Variants in ARHGAP15 observed in about 807,000 individuals in gnomAD.
The protein encoded by ARHGAP15 is rho GTPase-activating protein 15.
In ARHGAP15, 51 loss-of-function variants were observed where a neutral mutation model predicts 63.7. The observed-to-expected ratio is 0.80, with a 90% confidence interval of 0.64 to 1.01. ARHGAP15 has a LOEUF of 1.01. Ranked by LOEUF, ARHGAP15 falls within the 50% of genes least tolerant of loss-of-function variation. ARHGAP15 has a pLI of 0.00. For missense variants in ARHGAP15, 560 were observed against 564.6 expected, an observed-to-expected ratio of 0.99 and a Z score of 0.08; for synonymous variants, 191 against 193.8, an observed-to-expected ratio of 0.99 and a Z score of 0.12.
intron 11 of ARHGAP15, among the ~76,000 whole-genome samples, chr2:143,582,327 T>C (rs1696939661): frequency 6.6e-6 from 1 of 152,206 alleles, no homozygotes; most frequent in Admixed American, 6.5e-5. Flanking sequence ...TGAATTGTGG[T>C]AATTCCTGTT....
chr2:143,440,962 CGAGGTTTCTTAACTTTTCT>C (rs1689849947), intron 8 of ARHGAP15, among the ~76,000 whole-genome samples: 1 of 152,100 alleles, frequency 6.6e-6, no homozygotes, highest in Non-Finnish European at 1.5e-5. Flanking sequence ...ATAACCTTGG[CGAGGTTTCTTAACTTTTCT>C]GAGCTTTACT....
chr2:143,372,972 C>A (rs1425926090), intron 6 of ARHGAP15, among the ~76,000 whole-genome samples: 2 of 133,384 alleles, frequency 1.5e-5, no homozygotes, highest in Non-Finnish European at 3.1e-5. Context: ...TGTTAACCAT[C>A]CTCTCTCCTC....
In ARHGAP15 at chr2:143,624,180, G is replaced by T; in HGVS notation, c.1051G>T (p.Val351Phe). ...CAGCCAGTGGGAGGACATCCACGTTGTCACCGGAGCACTGAAGATGTTTTT... is the reference window on the plus strand; with the variant it reads ...CAGCCAGTGGGAGGACATCCACGTTTTCACCGGAGCACTGAAGATGTTTTT... The part of the protein sequence containing the change: ...DDSQWEDIHV[V>F]TGALKMFFRE... Residue 351 changes from valine (V) to phenylalanine (F), a missense_variant, in exon 12 of 14, where the codon GTC becomes TTC. Physicochemically the swap from Val to Phe is conservative, Grantham distance 50 (BLOSUM62 -1). Coordinates refer to ENST00000295095, the MANE Select transcript of ARHGAP15 (RefSeq NM_018460.4). 6.2e-7 allele frequency: 1 copy of T among 1,613,600 alleles called. No individual in the cohort carries two copies. The highest frequency in any genetic ancestry group is 8.5e-7 in the Non-Finnish European group (1 of 1,179,744).
intron 13 of ARHGAP15, among the ~76,000 whole-genome samples, chr2:143,739,057 G>A (rs1181592466): frequency 6.6e-6 from 1 of 152,100 alleles, no homozygotes; most frequent in Non-Finnish European, 1.5e-5. Flanking sequence ...TTACCTTATG[G>A]ACAATAGAAC....
intron 8 of ARHGAP15, among the ~76,000 whole-genome samples, chr2:143,451,183 A>G (rs1028602692): frequency 6.6e-6 from 1 of 151,814 alleles, no homozygotes; most frequent in Non-Finnish European, 1.5e-5. Context: ...ATGATCATAC[A>G]TTCGCCTCTC....
intron 6 of ARHGAP15, among the ~76,000 whole-genome samples, chr2:143,327,118 A>T (rs561892763): frequency 2.0e-5 from 3 of 152,256 alleles, no homozygotes; most frequent in East Asian, 3.9e-4. Context: ...TCATACACCA[A>T]TAATAGAGAG....
At chr2:143,330,515 T>C (rs966930277) in intron 6 of ARHGAP15, among the ~76,000 whole-genome samples, 4 of 152,176 alleles carry the variant, frequency 2.6e-5, no homozygotes, top group Non-Finnish European at 5.9e-5. Flanking sequence ...ACTTTACAGA[T>C]GAATAAAATC....
At chr2:143,370,179 C>T (rs542749948) in intron 6 of ARHGAP15, among the ~76,000 whole-genome samples, 4 of 152,180 alleles carry the variant, frequency 2.6e-5, no homozygotes, top group Non-Finnish European at 2.9e-5. Context: ...GCAAGCATAC[C>T]AATTTCCCCC....
In ARHGAP15 at chr2:143,712,172, G is replaced by T. The variant is rs571213410; in HGVS notation, c.1244+8648G>T. ...ATGGGGGAAAGTGATGGATACAAGA[G>T]GCATTGAAGCAGTAGATGCAACAGA... On this transcript the variant is annotated intron_variant, in intron 13 of 13. Transcript: ENST00000295095. 2.6e-5 allele frequency among the ~76,000 whole-genome samples: 4 copies of T among 152,296 alleles called. No individual in the cohort carries two copies. In the East Asian group the frequency reaches 7.7e-4, roughly 29 times the overall value.
At chr2:143,632,345 TCATA>T (rs1307133992) in intron 12 of ARHGAP15, among the ~76,000 whole-genome samples, 3 of 152,056 alleles carry the variant, frequency 2.0e-5, no homozygotes, top group Admixed American at 1.3e-4. Context: ...TATATTGTGT[TCATA>T]TATATATACA....
At chr2:143,739,406 C>T (rs1574913868) in intron 13 of ARHGAP15, among the ~76,000 whole-genome samples, 1 of 152,128 alleles carries the variant, frequency 6.6e-6, no homozygotes, top group East Asian at 1.9e-4. Context: ...CTGCTGCATC[C>T]TGAAATCACA....
At chr2:143,296,566 A>G (rs1459829794) in intron 6 of ARHGAP15, among the ~76,000 whole-genome samples, 1 of 152,032 alleles carries the variant, frequency 6.6e-6, no homozygotes, top group African/African-American at 2.4e-5. Context: ...GTTAGGCTTC[A>G]GTGAAAACCC....
At chr2:143,406,003 G>A (rs185538875) in intron 6 of ARHGAP15, among the ~76,000 whole-genome samples, 41 of 151,816 alleles carry the variant, frequency 2.7e-4, no homozygotes, top group African/African-American at 8.9e-4. Flanking sequence ...TGTAAATTCA[G>A]GTTTTTCTCT....
At chr2:143,346,212 A>C (rs4662200) in intron 6 of ARHGAP15, among the ~76,000 whole-genome samples, 2 of 135,156 alleles carry the variant, frequency 1.5e-5, no homozygotes, top group Non-Finnish European at 3.3e-5. Context: ...TCACACACAC[A>C]CTCTCTCTCA....
chr2:143,690,926 T>TC (rs1162625219), intron 12 of ARHGAP15, among the ~76,000 whole-genome samples: 1 of 151,940 alleles, frequency 6.6e-6, no homozygotes, highest in Non-Finnish European at 1.5e-5. Flanking sequence ...AGCAGTCATA[T>TC]CCCCCGTGAT....
intron 2 of ARHGAP15, among the ~76,000 whole-genome samples, chr2:143,160,142 C>T (rs1330677223): frequency 1.3e-5 from 2 of 151,824 alleles, no homozygotes; most frequent in African/African-American, 4.8e-5. Context: ...TTTTATCTAG[C>T]TCTGTAGTAC....
At chr2:143,553,612 C>G (rs1384478012) in intron 10 of ARHGAP15, among the ~76,000 whole-genome samples, 2 of 152,270 alleles carry the variant, frequency 1.3e-5, no homozygotes, top group Admixed American at 1.3e-4. Context: ...TGTGTTATTA[C>G]TTTAGGATGA....
intron 13 of ARHGAP15, among the ~76,000 whole-genome samples, chr2:143,738,827 A>C (rs1301406740): frequency 2.0e-5 from 3 of 152,196 alleles, no homozygotes; most frequent in Non-Finnish European, 4.4e-5. Flanking sequence ...AAATGTCCTT[A>C]ACGCCAACAA....
At chr2:143,536,029 C>T (rs1420612679) in intron 10 of ARHGAP15, among the ~76,000 whole-genome samples, 1 of 151,850 alleles carries the variant, frequency 6.6e-6, no homozygotes, top group Non-Finnish European at 1.5e-5. Flanking sequence ...AACAAATTAC[C>T]TCACATAGTT....
Sources: gnomAD v4.1 joint callset for allele counts (sites outside exome capture counted in the v4.1 genomes callset) on GRCh38, gnomAD v4.1.1 for gene constraint, MANE v1.5 for transcripts, NCBI Gene and HGNC (gene_info 2026-07-23, HGNC 2026-07-21) for gene names.